RAB2B: variants seen among roughly 807,000 people sequenced by gnomAD.
RAB2B encodes the protein RAB2B, member RAS oncogene family, also known as ras-related protein Rab-2B.
Under a neutral mutation model 29.8 loss-of-function variants are expected in RAB2B, and 20 were observed. That is an observed-to-expected ratio of 0.67 (90% CI 0.47 to 0.97). The LOEUF (loss-of-function observed/expected upper bound fraction) is 0.97. Ranked by LOEUF, RAB2B falls within the 50% of genes least tolerant of loss-of-function variation. RAB2B has a pLI of 0.00. For missense variants in RAB2B, 218 were observed against 272.0 expected (o/e 0.80, Z 1.40); for synonymous variants, 93 against 91.7 (o/e 1.01, Z -0.08).
chr14:21,476,284 A>C (rs1890959983), intron 2 of RAB2B: 1 of 440,070 alleles, frequency 2.3e-6, no homozygotes, highest in African/African-American at 2.0e-5. Context: ...GTATTTGAAA[A>C]AAAATTATAT....
intron 5 of RAB2B, among the ~76,000 whole-genome samples, chr14:21,467,996 C>T (rs781758926): frequency 7.3e-5 from 11 of 151,410 alleles, no homozygotes; most frequent in Non-Finnish European, 1.6e-4. Context: ...TATGAGGTAC[C>T]AGTAGTAGTC....
chr14:21,470,709 T>C (rs751345402), intron 3 of RAB2B, among the ~76,000 whole-genome samples: 2 of 152,182 alleles, frequency 1.3e-5, no homozygotes, highest in Non-Finnish European at 1.5e-5. Context: ...TCTGCTATGG[T>C]TGTAAGCCTC....
chr14:21,466,784 T>C (rs1890696076), intron 5 of RAB2B, among the ~76,000 whole-genome samples: 1 of 152,114 alleles, frequency 6.6e-6, no homozygotes, highest in Non-Finnish European at 1.5e-5. Context: ...TACACAAAAA[T>C]CAATATGAAA....
intron 6 of RAB2B, among the ~76,000 whole-genome samples, chr14:21,462,873 AC>A (rs1287530495): frequency 6.6e-6 from 1 of 151,886 alleles, no homozygotes; most frequent in Non-Finnish European, 1.5e-5. Flanking sequence ...AAGAAAAAAA[AC>A]ATAGAAGGTC....
chr14:21,462,294 C>G (rs1352124172), intron 7 of RAB2B, 56 bp downstream of exon 7: 9 of 1,461,242 alleles, frequency 6.2e-6, no homozygotes, highest in Admixed American at 1.9e-5. Flanking sequence ...TAGGGAACCT[C>G]CAGTTGTATT....
At chr14:21,461,840 G>C (rs1022806483) in intron 7 of RAB2B, among the ~76,000 whole-genome samples, 1 of 152,160 alleles carries the variant, frequency 6.6e-6, no homozygotes, top group African/African-American at 2.4e-5. Context: ...CAAGTGCTGA[G>C]ATTATAAGCA....
chr14:21,461,863 C>T (rs1890563352), intron 7 of RAB2B, among the ~76,000 whole-genome samples: 1 of 152,210 alleles, frequency 6.6e-6, no homozygotes. Flanking sequence ...AGCCGCCACA[C>T]CTGGCCCCTG....
chr14:21,476,280 G>C (rs1890959746), intron 2 of RAB2B: 1 of 432,636 alleles, frequency 2.3e-6, no homozygotes, highest in Non-Finnish European at 4.1e-6. Flanking sequence ...AATTGTATTT[G>C]AAAAAAAATT....
intron 5 of RAB2B, among the ~76,000 whole-genome samples, chr14:21,466,469 A>G (rs1305429812): frequency 6.7e-6 from 1 of 149,522 alleles, no homozygotes; most frequent in African/African-American, 2.6e-5. Flanking sequence ...CCTGGGTGAC[A>G]AGAGTGAAAC....
intron 7 of RAB2B, among the ~76,000 whole-genome samples, chr14:21,461,783 C>T (rs539168381): frequency 5.5e-4 from 84 of 152,170 alleles, no homozygotes; most frequent in Admixed American, 9.8e-4. Flanking sequence ...TTGCCCAGGC[C>T]GGTCTCAAAG....
At chr14:21,464,105 G>GAA (rs890886436) in intron 5 of RAB2B, among the ~76,000 whole-genome samples, 2 of 147,042 alleles carry the variant, frequency 1.4e-5, no homozygotes, top group Non-Finnish European at 3.0e-5. Flanking sequence ...TATAGATGAG[G>GAA]AAAAAAAAAA....
intron 5 of RAB2B, among the ~76,000 whole-genome samples, chr14:21,466,337 A>G (rs921917040): frequency 6.6e-6 from 1 of 152,160 alleles, no homozygotes; most frequent in Non-Finnish European, 1.5e-5. Flanking sequence ...ATACAAAAAA[A>G]TTAACTGGGC....
chr14:21,470,912 G>A (rs1890792633), intron 3 of RAB2B, among the ~76,000 whole-genome samples: 1 of 150,612 alleles, frequency 6.6e-6, no homozygotes. Context: ...CACTTTGGGA[G>A]GCCAAGGCGG....
rs757918148 is a variant in RAB2B at position 21,461,170 on chromosome 14, G to A, written c.*26C>T. The A allele has an allele frequency of 4.6e-6, 7 of 1,521,778 alleles. No homozygotes were observed. In the East Asian group the frequency reaches 1.6e-4, roughly 35 times the overall value. The allele number at this position is 1,521,778 out of a possible 1,614,324, so 94.3% of individuals were successfully genotyped here. A position where few individuals can be genotyped will look rare whatever the true frequency, so the allele number is the denominator to read the frequency against. Reference sequence around the variant, plus strand: ...TATTGATCTGAAGCTATTCCAGGAAGGACAAAAAAAGTTCAAGCCAGATGT... The same window carrying A: ...TATTGATCTGAAGCTATTCCAGGAAAGACAAAAAAAGTTCAAGCCAGATGT... On this transcript the variant is annotated 3_prime_UTR_variant, in exon 8 of 8. Transcript: ENST00000397762.
rs372617593 is a variant in RAB2B, at chr14:21,473,944, G to A, written c.186+923C>T. ...GGAGAATGGCACGAACCCGGGAGGC[G>A]GAGCTTGCAGTGAGCTGAGATCACG... On this transcript the variant is annotated intron_variant, in intron 3 of 7. Coordinates refer to ENST00000397762, the MANE Select transcript of RAB2B (RefSeq NM_032846.4). Among the ~76,000 whole-genome samples, 18 of 152,222 alleles carry A rather than the reference G, an allele frequency of 1.2e-4. No homozygotes were observed. The South Asian group carries it at 2.1e-3, about 18-fold the overall frequency.
chr14:21,472,291 G>A (rs761657799), intron 3 of RAB2B, among the ~76,000 whole-genome samples: 21 of 152,084 alleles, frequency 1.4e-4, no homozygotes, highest in Non-Finnish European at 2.5e-4. Flanking sequence ...TTTAAAATAT[G>A]CTTCTCTAAA....
intron 2 of RAB2B, chr14:21,476,309 TCA>T (rs1458449178): frequency 1.8e-6 from 1 of 557,228 alleles, no homozygotes; most frequent in East Asian, 2.9e-5. Flanking sequence ...AGTCTATACC[TCA>T]CACTCTAAAA....
chr14:21,472,662 C>T (rs1890846633), intron 3 of RAB2B, among the ~76,000 whole-genome samples: 1 of 152,188 alleles, frequency 6.6e-6, no homozygotes, highest in African/African-American at 2.4e-5. Flanking sequence ...CAGAAAAGAA[C>T]TAGGCCAGTT....
intron 3 of RAB2B, among the ~76,000 whole-genome samples, chr14:21,469,167 A>G (rs141792044): frequency 6.6e-6 from 1 of 152,206 alleles, no homozygotes; most frequent in East Asian, 1.9e-4. Context: ...TTCAATCCCA[A>G]ATATGATATT....
Sources: allele counts gnomAD v4.1 joint callset (sites outside exome capture counted in the v4.1 genomes callset), GRCh38; gene constraint gnomAD v4.1.1; transcripts MANE v1.5; gene names NCBI Gene and HGNC (gene_info 2026-07-23, HGNC 2026-07-21).